Variants in PLPP1 observed in about 807,000 individuals in gnomAD.
PLPP1 encodes phospholipid phosphatase 1.
In PLPP1, 24 loss-of-function variants were observed where a neutral mutation model predicts 31.2. The observed-to-expected ratio is 0.77, with a 90% CI of 0.56 to 1.08. The LOEUF (loss-of-function observed/expected upper bound fraction) is 1.08. Among genes scored for constraint, PLPP1 ranks in the 50% least tolerant of loss-of-function variants. The pLI is 0.00. For synonymous variants in PLPP1, 146 were observed against 126.3 expected (o/e 1.16, Z -1.05); for missense variants, 319 against 342.7 (o/e 0.93, Z 0.55).
At chr5:55,532,508 T>C (rs1212835498) in intron 1 of PLPP1, among the ~76,000 whole-genome samples, 3 of 152,252 alleles carry the variant, frequency 2.0e-5, no homozygotes, top group African/African-American at 7.2e-5. Flanking sequence ...CACTAAAATA[T>C]AAACAAAGTT....
Position 55,475,447 on chromosome 5 carries a change from C to A in PLPP1, c.62G>T (p.Gly21Val). 6.3e-7 allele frequency: 1 copy of A among 1,591,020 alleles called. No individual in the cohort carries two copies. The highest frequency in any genetic ancestry group is 1.4e-5 in the African/African-American group (1 of 73,840). Residue 21 changes from glycine (G) to valine (V), a missense_variant, in exon 2 of 6, where the codon GGA (glycine) becomes GTA (valine). Transcript: ENST00000307259. ...ALDVLCVLLAGLPFAILTSRH... is the reference protein window; with the variant it reads ...ALDVLCVLLAVLPFAILTSRH... Reference sequence around the variant, plus strand: ...TGAAGTAAGAATTGCAAAAGGCAATCCAGCTAGCAAAAGGGAATAAATGAA... The same window carrying A: ...TGAAGTAAGAATTGCAAAAGGCAATACAGCTAGCAAAAGGGAATAAATGAA...
At chr5:55,482,592 G>C (rs918219935) in intron 1 of PLPP1, among the ~76,000 whole-genome samples, 2 of 152,088 alleles carry the variant, frequency 1.3e-5, no homozygotes, top group Non-Finnish European at 2.9e-5. Flanking sequence ...ATGAAAACAA[G>C]GGAGAAATGA....
intron 3 of PLPP1, among the ~76,000 whole-genome samples, chr5:55,449,551 C>G (rs1246277543): frequency 6.6e-6 from 1 of 152,158 alleles, no homozygotes; most frequent in Non-Finnish European, 1.5e-5. Flanking sequence ...CAAACTCATG[C>G]CCAGAACCCA....
intron 1 of PLPP1, among the ~76,000 whole-genome samples, chr5:55,481,147 T>C (rs983899227): frequency 6.6e-6 from 1 of 152,210 alleles, no homozygotes; most frequent in East Asian, 1.9e-4. Context: ...CCACATCTTC[T>C]TTAACTTCCT....
intron 1 of PLPP1, among the ~76,000 whole-genome samples, chr5:55,509,944 G>A (rs1012456707): frequency 1.3e-5 from 2 of 152,132 alleles, no homozygotes; most frequent in African/African-American, 4.8e-5. Context: ...ACAATCAGTA[G>A]TAAACCGGCC....
intron 4 of PLPP1, among the ~76,000 whole-genome samples, chr5:55,431,299 A>G (rs1010743307): frequency 2.6e-5 from 4 of 152,236 alleles, no homozygotes; most frequent in Admixed American, 6.5e-5. Flanking sequence ...AGAGAAAAGT[A>G]TCAAGTCACT....
intron 1 of PLPP1, among the ~76,000 whole-genome samples, chr5:55,524,269 A>C (rs1054803004): frequency 6.6e-6 from 1 of 152,200 alleles, no homozygotes; most frequent in Non-Finnish European, 1.5e-5. Flanking sequence ...GAGCTTAAAA[A>C]AAAATTGCAA....
chr5:55,482,266 T>TC (rs760084806), intron 1 of PLPP1, among the ~76,000 whole-genome samples: 4 of 149,850 alleles, frequency 2.7e-5, no homozygotes, highest in Middle Eastern at 3.4e-3. Flanking sequence ...GTCTCCTTTG[T>TC]CCCCCCTCAC....
chr5:55,441,935 C>G (rs1451287821), intron 3 of PLPP1, 27 bp from the exon 4 acceptor site: 4 of 1,605,442 alleles, frequency 2.5e-6, no homozygotes, highest in Admixed American at 1.7e-5. Flanking sequence ...ACAAATGTTA[C>G]TTTTCTCTCT....
At chr5:55,454,994 T>G (rs907009002) in intron 3 of PLPP1, among the ~76,000 whole-genome samples, 3 of 152,222 alleles carry the variant, frequency 2.0e-5, no homozygotes, top group African/African-American at 7.2e-5. Flanking sequence ...AGGCATTTCC[T>G]CAAACTTCAG....
rs758078623 is a variant in PLPP1, at chr5:55,488,513, G to T, written c.59-13063C>A. 1.6e-4 allele frequency among the ~76,000 whole-genome samples: 25 copies of T among 152,156 alleles called. No individual in the cohort carries two copies. The South Asian group carries it at 2.7e-3, about 16-fold the overall frequency. ...ATACAAAAATTAGCCAGGTGTGGTTGTGTGTGCCTGTAGTCCCAGCTACTC... is the reference window on the plus strand; with the variant it reads ...ATACAAAAATTAGCCAGGTGTGGTTTTGTGTGCCTGTAGTCCCAGCTACTC... On this transcript the variant is annotated intron_variant, in intron 1 of 5. Coordinates refer to ENST00000307259, the MANE Select transcript of PLPP1 (RefSeq NM_003711.4).
chr5:55,455,653 C>T (rs781342834), intron 3 of PLPP1, among the ~76,000 whole-genome samples: 1 of 152,170 alleles, frequency 6.6e-6, no homozygotes, highest in East Asian at 1.9e-4. Flanking sequence ...GACTAGCTAG[C>T]TGTGTATGCC....
chr5:55,474,243 T>G (rs749577507), intron 2 of PLPP1, among the ~76,000 whole-genome samples: 1 of 152,088 alleles, frequency 6.6e-6, no homozygotes, highest in Non-Finnish European at 1.5e-5. Flanking sequence ...GTGATCTGCC[T>G]GCCTCGGCCT....
In PLPP1 at chr5:55,499,406, G is replaced by A. The variant is rs76817539; in HGVS notation, c.59-23956C>T. ...GTATACAATATACTATGCACTCTCA[G>A]TAAAAAGGACAAATTATAATGTGGT... is the stretch of plus-strand genomic sequence containing the variant. On this transcript the variant is annotated intron_variant, in intron 1 of 5. Transcript: ENST00000307259. 3.8e-3 allele frequency among the ~76,000 whole-genome samples: 575 copies of A among 152,228 alleles called. 4 individuals are homozygous for A. The highest frequency in any genetic ancestry group is 0.013 in the African/African-American group (547 of 41,538).
intron 1 of PLPP1, chr5:55,530,342 T>C: frequency 7.1e-7 from 1 of 1,401,352 alleles, no homozygotes; most frequent in Non-Finnish European, 1.0e-6. Context: ...TCACAGGAAC[T>C]ATCTGAAATA....
At chr5:55,448,144 T>G (rs1271312563) in intron 3 of PLPP1, among the ~76,000 whole-genome samples, 1 of 152,202 alleles carries the variant, frequency 6.6e-6, no homozygotes, top group African/African-American at 2.4e-5. Flanking sequence ...ATATTAGTCA[T>G]AGTTTATTTC....
chr5:55,479,004 C>T (rs1285371942), intron 1 of PLPP1, among the ~76,000 whole-genome samples: 1 of 150,042 alleles, frequency 6.7e-6, no homozygotes, highest in Non-Finnish European at 1.5e-5. Context: ...ATTTGCCATT[C>T]CTCGTATAAG....
intron 3 of PLPP1, among the ~76,000 whole-genome samples, chr5:55,466,489 G>T (rs1283600605): frequency 6.6e-5 from 10 of 152,144 alleles, no homozygotes; most frequent in Non-Finnish European, 1.5e-4. Context: ...GATCACCTGA[G>T]GTCAGGAGTT....
Position 55,534,645 on chromosome 5 carries a change from T to A in PLPP1, c.-16A>T. 6.5e-7 allele frequency: 1 copy of A among 1,538,980 alleles called. No individual in the cohort carries two copies. The highest frequency in any genetic ancestry group is 8.7e-7 in the Non-Finnish European group (1 of 1,143,158). On this transcript the variant is annotated 5_prime_UTR_variant, in exon 1 of 6. Coordinates refer to ENST00000307259, the MANE Select transcript of PLPP1 (RefSeq NM_003711.4). Reference sequence around the variant, plus strand: ...TGTCAAACATGGTCTCTGCCCGGGCTGCCCGGCAAGGGCGATGGACTGAGC... The same window carrying A: ...TGTCAAACATGGTCTCTGCCCGGGCAGCCCGGCAAGGGCGATGGACTGAGC...
Sources: gnomAD v4.1 joint callset for allele counts (sites outside exome capture counted in the v4.1 genomes callset) on GRCh38, gnomAD v4.1.1 for gene constraint, MANE v1.5 for transcripts, NCBI Gene and HGNC (gene_info 2026-07-23, HGNC 2026-07-21) for gene names.